Variants in TNFAIP8 observed in about 807,000 individuals in gnomAD.
TNFAIP8 encodes TNF alpha induced protein 8.
In TNFAIP8, 7 loss-of-function variants were observed where a neutral mutation model predicts 13.3. That is an observed-to-expected ratio of 0.52 (90% CI 0.30 to 0.99). The LOEUF (loss-of-function observed/expected upper bound fraction) is 0.99. Ranked by LOEUF, TNFAIP8 falls within the 50% of genes least tolerant of loss-of-function variation. The probability of loss-of-function intolerance (pLI) is 0.07; values close to 1 mark genes in which losing one functional copy is unlikely to be tolerated. For synonymous variants in TNFAIP8, 94 were observed against 87.6 expected, an observed-to-expected ratio of 1.07 and a Z score of -0.41; for missense variants, 258 against 236.9, an observed-to-expected ratio of 1.09 and a Z score of -0.58.
intron 1 of TNFAIP8, among the ~76,000 whole-genome samples, chr5:119,289,215 A>G (rs1413300286): frequency 6.6e-6 from 1 of 152,236 alleles, no homozygotes; most frequent in Non-Finnish European, 1.5e-5. Flanking sequence ...TCGCAAAGGG[A>G]TACTTATCAG....
intron 1 of TNFAIP8, among the ~76,000 whole-genome samples, chr5:119,294,872 A>T (rs1023178556): frequency 5.9e-5 from 9 of 151,644 alleles, no homozygotes; most frequent in Non-Finnish European, 1.3e-4. Flanking sequence ...TCCTTTGCCC[A>T]CTTTTTGATG....
rs968292210 is a variant in TNFAIP8, at chr5:119,397,715, A to G, written c.*4334A>G. The G allele has an allele frequency of 6.6e-6, 1 of 152,234 alleles. No homozygotes were observed. The highest frequency in any genetic ancestry group is 6.5e-5 in the Admixed American group (1 of 15,276). 9.4% of individuals were successfully genotyped at this position (152,234 alleles called of 1,614,324 possible). ...GAGTCAGCTTTTTGTTTCCAAAATGATGCAACAGGAAAACCTTTAACTACT... is the reference window on the plus strand; with the variant it reads ...GAGTCAGCTTTTTGTTTCCAAAATGGTGCAACAGGAAAACCTTTAACTACT... On this transcript the variant is annotated 3_prime_UTR_variant, in exon 2 of 2. Coordinates refer to ENST00000504771, the MANE Select transcript of TNFAIP8 (RefSeq NM_014350.4).
At chr5:119,327,624 A>G (rs1581607606) in intron 1 of TNFAIP8, among the ~76,000 whole-genome samples, 1 of 152,012 alleles carries the variant, frequency 6.6e-6, no homozygotes, top group East Asian at 1.9e-4. Context: ...ACGCCTGGCT[A>G]ATTTTTGTAT....
chr5:119,321,204 G>GCA (rs1750044815), intron 1 of TNFAIP8, among the ~76,000 whole-genome samples: 1 of 152,160 alleles, frequency 6.6e-6, no homozygotes, highest in African/African-American at 2.4e-5. Context: ...GCAACACCGT[G>GCA]AGACTCCATC....
chr5:119,333,880 T>C (rs1382367697), intron 1 of TNFAIP8, among the ~76,000 whole-genome samples: 2 of 152,158 alleles, frequency 1.3e-5, no homozygotes, highest in Non-Finnish European at 2.9e-5. Flanking sequence ...AAAGTTTGCA[T>C]GTAGACAGTT....
intron 1 of TNFAIP8, chr5:119,316,382 C>T (rs967580202): frequency 1.3e-5 from 2 of 152,058 alleles, no homozygotes; most frequent in African/African-American, 4.8e-5. Flanking sequence ...TCTTTTCGAA[C>T]CCCTGGGTTC....
At chr5:119,269,962 C>G (rs1748228567) in intron 1 of TNFAIP8, among the ~76,000 whole-genome samples, 1 of 152,156 alleles carries the variant, frequency 6.6e-6, no homozygotes, top group South Asian at 2.1e-4. Flanking sequence ...TTAATAGTCT[C>G]TCTGAGTTCT....
At chr5:119,309,251 G>A (rs574818804) in intron 1 of TNFAIP8, among the ~76,000 whole-genome samples, 3 of 152,274 alleles carry the variant, frequency 2.0e-5, no homozygotes, top group African/African-American at 7.2e-5. Flanking sequence ...GTCACTTGAG[G>A]GCTTTTCTGT....
chr5:119,295,200 CCTAT>C (rs954372081), intron 1 of TNFAIP8, among the ~76,000 whole-genome samples: 1 of 16,100 alleles, frequency 6.2e-5, no homozygotes, highest in African/African-American at 8.3e-4. Flanking sequence ...TAACGTTAGA[CCTAT>C]AGGTCTAACG....
intron 1 of TNFAIP8, 115 bp from the exon 2 acceptor site, chr5:119,392,701 C>T: frequency 7.9e-7 from 1 of 1,264,350 alleles, no homozygotes; most frequent in Admixed American, 2.9e-5. Context: ...TAAGACAAAC[C>T]ACAAATGGTG....
chr5:119,396,015 G>A lies in TNFAIP8; in HGVS notation c.*2634G>A, dbSNP rs946127845. The A allele has an allele frequency of 4.6e-5, 7 of 151,984 alleles. No homozygotes were observed. Among genetic ancestry groups the A allele is most frequent in the African/African-American group, 1.2e-4 (5 of 41,352 alleles). The allele number at this position is 151,984 out of a possible 1,614,324, so 9.4% of individuals were successfully genotyped here. A position where few individuals can be genotyped will look rare whatever the true frequency, so the allele number is the denominator to read the frequency against. On this transcript the variant is annotated 3_prime_UTR_variant, in exon 2 of 2. Coordinates refer to ENST00000504771, the MANE Select transcript of TNFAIP8 (RefSeq NM_014350.4). The stretch of plus-strand genomic sequence containing the variant: ...CGCAGAGTAGTTTGTATTATGTGTC[G>A]GGCACATTAACTCATTTAATTCTGC...
intron 1 of TNFAIP8, among the ~76,000 whole-genome samples, chr5:119,329,097 G>C (rs768608493): frequency 1.3e-5 from 2 of 152,236 alleles, no homozygotes; most frequent in Admixed American, 6.5e-5. Flanking sequence ...TGCCGCAGCT[G>C]TGCTGCTCAC....
chr5:119,325,365 T>C (rs1264769763), intron 1 of TNFAIP8, among the ~76,000 whole-genome samples: 1 of 152,240 alleles, frequency 6.6e-6, no homozygotes, highest in Non-Finnish European at 1.5e-5. Flanking sequence ...TATAAACTCC[T>C]TACCATGTCC....
chr5:119,361,613 C>T (rs1751639037), intron 1 of TNFAIP8, among the ~76,000 whole-genome samples: 1 of 152,196 alleles, frequency 6.6e-6, no homozygotes, highest in Non-Finnish European at 1.5e-5. Context: ...GCTCTGATAG[C>T]TTTAGGTGCC....
chr5:119,302,388 T>G (rs1749423226), intron 1 of TNFAIP8, among the ~76,000 whole-genome samples: 1 of 152,210 alleles, frequency 6.6e-6, no homozygotes, highest in Non-Finnish European at 1.5e-5. Context: ...TTCTCCTCTA[T>G]TTTTAGTATG....
At chr5:119,366,250 A>C (rs577713463) in intron 1 of TNFAIP8, among the ~76,000 whole-genome samples, 45 of 152,202 alleles carry the variant, frequency 3.0e-4, no homozygotes, top group African/African-American at 1.1e-3. Flanking sequence ...CAGCTTGCTT[A>C]TTTTGTTTGA....
chr5:119,355,354 G>A (rs1347840267), upstream of TNFAIP8: 1 of 702,468 alleles, frequency 1.4e-6, no homozygotes, highest in Non-Finnish European at 2.6e-6. Flanking sequence ...GGGCTATACT[G>A]AATGAGTAAG....
chr5:119,270,924 A>G (rs557067777), intron 1 of TNFAIP8, among the ~76,000 whole-genome samples: 18 of 152,250 alleles, frequency 1.2e-4, no homozygotes, highest in Admixed American at 8.5e-4. Context: ...TTTAAGGGCA[A>G]CTTTTACTCC....
chr5:119,343,641 G>A (rs1045351544), intron 1 of TNFAIP8, among the ~76,000 whole-genome samples: 1 of 152,166 alleles, frequency 6.6e-6, no homozygotes, highest in Non-Finnish European at 1.5e-5. Context: ...CAAATGCAAG[G>A]TATAATCTTG....
Sources: allele counts gnomAD v4.1 joint callset (sites outside exome capture counted in the v4.1 genomes callset), GRCh38; gene constraint gnomAD v4.1.1; transcripts MANE v1.5; gene names NCBI Gene and HGNC (gene_info 2026-07-23, HGNC 2026-07-21).